MARCHF5: variants seen among roughly 807,000 people sequenced by gnomAD.
MARCHF5 encodes membrane associated ring-CH-type finger 5.
A neutral mutation model predicts 36.5 loss-of-function variants in MARCHF5; 5 were observed. The observed-to-expected ratio is 0.14, with a 90% CI of 0.07 to 0.29. The LOEUF (loss-of-function observed/expected upper bound fraction) is 0.29. Ranked by LOEUF, MARCHF5 falls within the 10% of genes least tolerant of loss-of-function variation. The pLI is 1.00. For synonymous variants in MARCHF5, 103 were observed against 109.9 expected (o/e 0.94, Z 0.39); for missense variants, 179 against 336.3 (o/e 0.53, Z 3.66).
intron 1 of MARCHF5, among the ~76,000 whole-genome samples, chr10:92,299,174 A>G (rs1842983100): frequency 6.6e-6 from 1 of 152,032 alleles, no homozygotes; most frequent in African/African-American, 2.4e-5. Context: ...TGTTCATCAC[A>G]TATTGTTGAT....
rs1478628216 is a variant in MARCHF5 at position 92,351,402 on chromosome 10, T to C, written c.*195T>C. On this transcript the variant is annotated 3_prime_UTR_variant, in exon 6 of 6. Transcript: ENST00000358935. The stretch of plus-strand genomic sequence containing the variant: ...AACCTAAGGATGTGATTTGTTTTCA[T>C]TGTTTGTATGTACTACTTTTATGGC... The C allele has an allele frequency of 2.3e-6, 1 of 442,242 alleles. No homozygotes were observed. Among genetic ancestry groups the C allele is most frequent in the Non-Finnish European group, 4.0e-6 (1 of 251,632 alleles). The allele number at this position is 442,242 out of a possible 1,614,324, so 27.4% of individuals were successfully genotyped here.
intron 1 of MARCHF5, among the ~76,000 whole-genome samples, chr10:92,305,079 A>G (rs1330702466): frequency 6.6e-6 from 1 of 152,246 alleles, no homozygotes; most frequent in Non-Finnish European, 1.5e-5. Flanking sequence ...TACAGTGAGC[A>G]TAAAACAATT....
chr10:92,338,230 C>T (rs1421188722), intron 2 of MARCHF5, among the ~76,000 whole-genome samples: 1 of 151,946 alleles, frequency 6.6e-6, no homozygotes, highest in African/African-American at 2.4e-5. Flanking sequence ...GGTTGAAGTG[C>T]TGAGGTTTTA....
chr10:92,325,888 A>T (rs187625447), intron 2 of MARCHF5, among the ~76,000 whole-genome samples: 1 of 152,346 alleles, frequency 6.6e-6, no homozygotes, highest in East Asian at 1.9e-4. Context: ...CATGTTGGCC[A>T]GGCTGGTCTC....
rs1172093394 is a variant in MARCHF5 at position 92,321,671 on chromosome 10, C to A, written c.238+10334C>A. Among the ~76,000 whole-genome samples the A allele has an allele frequency of 2.0e-5, 3 of 151,976 alleles. 1 individual carries two copies. ...TTGGGAGCAGTGAAGCCATTTGGTCCTGGGCTTTTCTTCATGGAAAATGTT... is the reference window on the plus strand; with the variant it reads ...TTGGGAGCAGTGAAGCCATTTGGTCATGGGCTTTTCTTCATGGAAAATGTT... On this transcript the variant is annotated intron_variant, in intron 2 of 5. Coordinates refer to ENST00000358935, the MANE Select transcript of MARCHF5 (RefSeq NM_017824.5).
At chr10:92,328,580 T>G (rs1843397270) in intron 2 of MARCHF5, among the ~76,000 whole-genome samples, 1 of 151,684 alleles carries the variant, frequency 6.6e-6, no homozygotes, top group Non-Finnish European at 1.5e-5. Context: ...GTCTTGGCTT[T>G]TATCACTTCA....
intron 3 of MARCHF5, among the ~76,000 whole-genome samples, chr10:92,341,679 A>T (rs1266453336): frequency 1.3e-5 from 2 of 150,284 alleles, no homozygotes; most frequent in Non-Finnish European, 2.9e-5. Flanking sequence ...ACTCAAAATT[A>T]TTGAAATCAA....
chr10:92,298,749 G>C (rs1007227766), intron 1 of MARCHF5, among the ~76,000 whole-genome samples: 1 of 152,272 alleles, frequency 6.6e-6, no homozygotes, highest in Admixed American at 6.5e-5. Context: ...TTTTAGTAGA[G>C]ACGGGCTTTC....
intron 2 of MARCHF5, among the ~76,000 whole-genome samples, chr10:92,337,744 C>T (rs1843521339): frequency 6.6e-6 from 1 of 151,504 alleles, no homozygotes; most frequent in Non-Finnish European, 1.5e-5. Context: ...GAGCTGTGGC[C>T]TTGAGTTGGT....
intron 2 of MARCHF5, chr10:92,333,364 G>A (rs1843463713): frequency 6.6e-6 from 1 of 152,020 alleles, no homozygotes; most frequent in Non-Finnish European, 1.5e-5. Context: ...ATACTGCCAA[G>A]TACCATGTGC....
intron 2 of MARCHF5, among the ~76,000 whole-genome samples, chr10:92,314,700 T>C (rs2135189385): frequency 6.7e-6 from 1 of 148,230 alleles, no homozygotes; most frequent in African/African-American, 2.6e-5. Flanking sequence ...GCATATTTCC[T>C]CTTGACAAAA....
chr10:92,309,275 G>T (rs1019212258), intron 1 of MARCHF5, among the ~76,000 whole-genome samples: 1 of 152,078 alleles, frequency 6.6e-6, no homozygotes, highest in Non-Finnish European at 1.5e-5. Context: ...AATTTATAAG[G>T]AATATAATAG....
chr10:92,303,064 C>A (rs1411874552), intron 1 of MARCHF5, among the ~76,000 whole-genome samples: 1 of 152,168 alleles, frequency 6.6e-6, no homozygotes, highest in Admixed American at 6.5e-5. Context: ...GGCTTTACTA[C>A]CAGCTGTTTT....
chr10:92,307,580 A>G (rs988503494), intron 1 of MARCHF5, among the ~76,000 whole-genome samples: 4 of 151,782 alleles, frequency 2.6e-5, no homozygotes, highest in Admixed American at 6.6e-5. Flanking sequence ...ATTTTTTTTT[A>G]ATTAGCTGTG....
At chr10:92,324,686 G>C (rs75102488) in intron 2 of MARCHF5, among the ~76,000 whole-genome samples, 1,590 of 152,180 alleles carry the variant, frequency 0.01, 42 homozygotes, top group African/African-American at 0.037. Context: ...CATAATTTTT[G>C]TTGGGTTTTC....
chr10:92,312,853 C>T (rs1843161349), intron 2 of MARCHF5, among the ~76,000 whole-genome samples: 1 of 99,242 alleles, frequency 1.0e-5, no homozygotes, highest in Non-Finnish European at 2.2e-5. Context: ...GTAGATCTGT[C>T]CTTTTGGTTG....
rs1842854760 is a variant in MARCHF5 at position 92,291,271 on chromosome 10, C to A, written c.-224C>A. The stretch of plus-strand genomic sequence containing the variant: ...GAACCCGGGCCGCGATCGCCGCCTC[C>A]CCGCCTCAGGCTCCTCCTCCTCGCT... On this transcript the variant is annotated 5_prime_UTR_variant, in exon 1 of 6. Transcript: ENST00000358935. The A allele has an allele frequency of 1.8e-6, 1 of 542,572 alleles. No homozygotes were observed. Among genetic ancestry groups the A allele is most frequent in the South Asian group, 2.3e-5 (1 of 43,204 alleles). 33.6% of individuals were successfully genotyped at this position (542,572 alleles called of 1,614,324 possible).
chr10:92,325,969 G>A lies in MARCHF5; in HGVS notation c.238+14632G>A, dbSNP rs140800202. On this transcript the variant is annotated intron_variant, in intron 2 of 5. Coordinates refer to ENST00000358935, the MANE Select transcript of MARCHF5 (RefSeq NM_017824.5). ...TCTGGGATTACAGGCATGAGCCACC[G>A]TGCCCAGCTACTCTTATTTTATTGT... Among the ~76,000 whole-genome samples the A allele has an allele frequency of 1.9e-3, 283 of 152,242 alleles. 1 individual carries two copies. The highest frequency in any genetic ancestry group is 6.6e-3 in the African/African-American group (273 of 41,552).
chr10:92,324,716 C>T (rs1843334630), intron 2 of MARCHF5, among the ~76,000 whole-genome samples: 1 of 152,056 alleles, frequency 6.6e-6, no homozygotes, highest in African/African-American at 2.4e-5. Context: ...AAAATATTTT[C>T]TAATTTTTCT....
Sources: gnomAD v4.1 joint callset for allele counts (sites outside exome capture counted in the v4.1 genomes callset) on GRCh38, gnomAD v4.1.1 for gene constraint, MANE v1.5 for transcripts, NCBI Gene and HGNC (gene_info 2026-07-23, HGNC 2026-07-21) for gene names.